The following NAA16 variants were observed in gnomAD, a reference collection of about 807,000 sequenced individuals.
NAA16 encodes N-alpha-acetyltransferase 16, NatA auxiliary subunit.
Under a neutral mutation model 110.3 loss-of-function variants are expected in NAA16, and 97 were observed. The ratio of observed to expected loss-of-function variants is 0.88; its 90% CI spans 0.75 to 1.04. NAA16 has a LOEUF of 1.04. NAA16 is among the 50% of genes least tolerant of loss of function. The pLI, the probability that NAA16 is intolerant of heterozygous loss-of-function variation, is 0.00. For synonymous variants in NAA16, 372 were observed against 330.6 expected (o/e 1.13, Z -1.36); for missense variants, 1,017 against 1,005.1 (o/e 1.01, Z -0.16).
chr13:41,345,029 C>T (rs773129312), intron 9 of NAA16, among the ~76,000 whole-genome samples: 21 of 152,216 alleles, frequency 1.4e-4, no homozygotes, highest in Non-Finnish European at 2.4e-4. Flanking sequence ...TATTTTTATC[C>T]GCAATTGTAG....
chr13:41,316,979 C>G, intron 2 of NAA16, 49 bp downstream of exon 2: 2 of 1,219,172 alleles, frequency 1.6e-6, no homozygotes, highest in Non-Finnish European at 2.4e-6. Context: ...ATTCTAAAAC[C>G]AGGCATTAAC....
intron 13 of NAA16, chr13:41,362,795 A>G (rs759220349): frequency 1.6e-6 from 2 of 1,289,774 alleles, no homozygotes; most frequent in South Asian, 1.2e-5. Flanking sequence ...GGCAGTCCTC[A>G]GCAGCCCTCA....
intron 9 of NAA16, among the ~76,000 whole-genome samples, chr13:41,342,716 C>T (rs1003928337): frequency 6.6e-6 from 1 of 152,172 alleles, no homozygotes; most frequent in Non-Finnish European, 1.5e-5. Context: ...ATTTCTGTAA[C>T]GCCCATAGAT....
At chr13:41,334,358 TC>T (rs1257909683) in intron 8 of NAA16, among the ~76,000 whole-genome samples, 1 of 152,200 alleles carries the variant, frequency 6.6e-6, no homozygotes, top group Non-Finnish European at 1.5e-5. Flanking sequence ...TTCATCATGT[TC>T]CATTATGCAC....
intron 9 of NAA16, among the ~76,000 whole-genome samples, chr13:41,343,493 CTTT>C (rs1295843764): frequency 4.0e-5 from 6 of 151,858 alleles, no homozygotes; most frequent in East Asian, 1.9e-4. Context: ...AAATTTTGTT[CTTT>C]GTTTTCCCCC....
intron 8 of NAA16, among the ~76,000 whole-genome samples, chr13:41,333,792 A>G (rs1291014800): frequency 1.3e-5 from 2 of 151,856 alleles, no homozygotes; most frequent in African/African-American, 4.8e-5. Flanking sequence ...AAAGCCCTCA[A>G]TATGTGGCAG....
intron 1 of NAA16, among the ~76,000 whole-genome samples, chr13:41,315,957 A>G (rs757615374): frequency 2.6e-5 from 4 of 152,070 alleles, no homozygotes; most frequent in Admixed American, 2.0e-4. Context: ...TTTTGTAGAG[A>G]TGAGATCTTG....
intron 19 of NAA16, 37 bp downstream of exon 19, chr13:41,374,876 AG>A: frequency 7.9e-7 from 1 of 1,270,130 alleles, no homozygotes; most frequent in Non-Finnish European, 1.1e-6. Flanking sequence ...ATGCTTACAC[AG>A]TGATCTAACA....
chr13:41,338,596 A>G (rs1248975986), intron 9 of NAA16, among the ~76,000 whole-genome samples: 1 of 152,190 alleles, frequency 6.6e-6, no homozygotes, highest in South Asian at 2.1e-4. Flanking sequence ...AGTTATCTGA[A>G]TTTAGTATAG....
chr13:41,322,503 T>C (rs971473523), intron 4 of NAA16, among the ~76,000 whole-genome samples: 4 of 152,150 alleles, frequency 2.6e-5, no homozygotes, highest in African/African-American at 9.7e-5. Flanking sequence ...ACGTTAGTGT[T>C]GCATTTGCCC....
chr13:41,319,921 T>C (rs2041906113), intron 3 of NAA16, among the ~76,000 whole-genome samples: 1 of 152,112 alleles, frequency 6.6e-6, no homozygotes, highest in African/African-American at 2.4e-5. Context: ...ATATTGCCCT[T>C]GCATTTTAGT....
rs768902196 is a variant in NAA16 at position 41,369,243 on chromosome 13, G to A, written c.1907G>A (p.Ser636Asn). Residue 636 changes from serine to asparagine, a missense_variant, in exon 15 of 20, where the codon AGT becomes AAT. Coordinates refer to ENST00000379406, the MANE Select transcript of NAA16 (RefSeq NM_024561.5). ...AGAGATGAAGAAGAAGAAGAAGCCA[G>A]TGGCCTTAAGGAAGAACTTATACCT... ...KKRDEEEEEA[S>N]GLKEELIPEK... 6.3e-7 allele frequency: 1 copy of A among 1,587,324 alleles called. No homozygotes were observed.
At position 41,375,633 on chromosome 13, in the gene NAA16, C is replaced by CA. The variant is rs1302182552; in HGVS notation, c.*34dup. On this transcript the variant is annotated 3_prime_UTR_variant, in exon 20 of 20. Coordinates refer to ENST00000379406, the MANE Select transcript of NAA16 (RefSeq NM_024561.5). ...TCTAGAAAGTAGACTCCTATAGACT[C>CA]AAAGCTGAATTGAGATCAGGGTTTC... The CA allele has an allele frequency of 6.6e-7, 1 of 1,508,364 alleles. No homozygotes were observed. Among genetic ancestry groups the CA allele is most frequent in the Non-Finnish European group, 9.0e-7 (1 of 1,106,996 alleles). The allele number at this position is 1,508,364 out of a possible 1,614,324, so 93.4% of individuals were successfully genotyped here.
At chr13:41,344,426 T>C (rs74049164) in intron 9 of NAA16, among the ~76,000 whole-genome samples, 11,295 of 152,310 alleles carry the variant, frequency 0.074, 1,391 homozygotes, top group African/African-American at 0.26. Context: ...TACTTCTTAA[T>C]GAGGGTGTTG....
Position 41,328,792 on chromosome 13 carries a change from A to C in NAA16, c.760A>C (p.Asn254His), listed in dbSNP as rs751188280. The C allele has an allele frequency of 6.2e-7, 1 of 1,606,520 alleles. No individual in the cohort carries two copies. Among genetic ancestry groups the C allele is most frequent in the Non-Finnish European group, 8.5e-7 (1 of 1,173,596 alleles). Reference sequence around the variant, plus strand: ...AGTGTTCAAAAACTTGATTGATCGAAATGCAGAAAATTGGTGTTATTATGA... The same window carrying C: ...AGTGTTCAAAAACTTGATTGATCGACATGCAGAAAATTGGTGTTATTATGA... ...SEVFKNLIDR[N>H]AENWCYYEGL... is the part of the protein sequence containing the mutation. Residue 254 changes from asparagine to histidine, a missense_variant, in exon 7 of 20, where the codon AAT becomes CAT. By Grantham distance (68) the Asn-to-His change is moderately conservative. Transcript: ENST00000379406.
At chr13:41,350,051 A>G (rs1045203830) in intron 9 of NAA16, among the ~76,000 whole-genome samples, 2 of 151,654 alleles carry the variant, frequency 1.3e-5, no homozygotes, top group Non-Finnish European at 2.9e-5. Flanking sequence ...TGGGAGTCCA[A>G]GGCAGGAGGA....
chr13:41,351,082 C>T (rs548224687), intron 9 of NAA16, among the ~76,000 whole-genome samples: 1 of 152,258 alleles, frequency 6.6e-6, no homozygotes, highest in East Asian at 1.9e-4. Context: ...TTTGCCTAGG[C>T]TGGTACACTT....
In NAA16 at chr13:41,336,735, T is replaced by A; in HGVS notation, c.993T>A (p.Ser331=). ...GCPPLFTTLK[S]LYYNTEKVSI... ...CACCCTTGTTTACTACTTTGAAATC[T>A]TTATATTACAATACAGAAAAGGTAA... is the stretch of plus-strand genomic sequence containing the variant. The change falls in exon 9 of 20, where the codon TCT becomes TCA. Residue 331 remains serine, a synonymous_variant. Coordinates refer to ENST00000379406, the MANE Select transcript of NAA16 (RefSeq NM_024561.5). The A allele has an allele frequency of 6.2e-7, 1 of 1,602,004 alleles. No individual in the cohort carries two copies. The highest frequency in any genetic ancestry group is 8.5e-7 in the Non-Finnish European group (1 of 1,172,060).
chr13:41,339,418 C>T (rs1007930095), intron 9 of NAA16, among the ~76,000 whole-genome samples: 5 of 152,014 alleles, frequency 3.3e-5, no homozygotes, highest in Non-Finnish European at 5.9e-5. Context: ...GGATTACAGG[C>T]GTGAGCCACC....
Sources: allele counts gnomAD v4.1 joint callset (sites outside exome capture counted in the v4.1 genomes callset), GRCh38; gene constraint gnomAD v4.1.1; transcripts MANE v1.5; gene names NCBI Gene and HGNC (gene_info 2026-07-23, HGNC 2026-07-21).